Variants in PPFIA2 observed in about 807,000 individuals in gnomAD.
PPFIA2 encodes liprin-alpha-2.
A neutral mutation model predicts 175.5 loss-of-function variants in PPFIA2; 46 were observed. That is an observed-to-expected ratio of 0.26 (90% CI 0.21 to 0.34). The LOEUF (loss-of-function observed/expected upper bound fraction) is 0.34. PPFIA2 is among the 10% of genes least tolerant of loss of function. PPFIA2 has a pLI of 1.00. For synonymous variants in PPFIA2, 568 were observed against 511.4 expected (o/e 1.11, Z -1.49); for missense variants, 1,179 against 1,506.1 (o/e 0.78, Z 3.60).
chr12:81,695,057 A>C (rs1185078542), intron 3 of PPFIA2, among the ~76,000 whole-genome samples: 3 of 151,796 alleles, frequency 2.0e-5, no homozygotes, highest in Non-Finnish European at 4.4e-5. Flanking sequence ...GGAAATAACT[A>C]ATTTGTTTTT....
At chr12:81,372,991 T>A (rs1192075900) in intron 11 of PPFIA2, among the ~76,000 whole-genome samples, 1 of 151,704 alleles carries the variant, frequency 6.6e-6, no homozygotes, top group Non-Finnish European at 1.5e-5. Context: ...GGAAAAAATA[T>A]AAGGCACCTA....
At chr12:81,680,777 C>T (rs2073469792) in intron 3 of PPFIA2, among the ~76,000 whole-genome samples, 4 of 152,050 alleles carry the variant, frequency 2.6e-5, no homozygotes, top group African/African-American at 9.6e-5. Context: ...CTCTTGTTGC[C>T]TATCATTTGA....
intron 4 of PPFIA2, among the ~76,000 whole-genome samples, chr12:81,630,264 T>C (rs12422468): frequency 6.6e-6 from 1 of 152,216 alleles, no homozygotes. Context: ...TATAGTAATT[T>C]GTTGTAGGTG....
At chr12:81,371,533 C>T (rs1216689744) in intron 11 of PPFIA2, among the ~76,000 whole-genome samples, 2 of 151,426 alleles carry the variant, frequency 1.3e-5, no homozygotes, top group Non-Finnish European at 3.0e-5. Flanking sequence ...CTAGTTGTTT[C>T]TGTTTACTTA....
chr12:81,452,594 T>C (rs1311837042), intron 5 of PPFIA2, among the ~76,000 whole-genome samples: 1 of 152,236 alleles, frequency 6.6e-6, no homozygotes, highest in East Asian at 1.9e-4. Context: ...AATAACTATA[T>C]ACGCACATGC....
intron 4 of PPFIA2, chr12:81,675,418 T>A (rs2072315881): frequency 6.6e-6 from 1 of 152,016 alleles, no homozygotes; most frequent in Non-Finnish European, 1.5e-5. Context: ...GAAACATGCT[T>A]TCTTAGAGGG....
At chr12:81,404,206 T>TA (rs555442828) in intron 8 of PPFIA2, among the ~76,000 whole-genome samples, 34 of 152,190 alleles carry the variant, frequency 2.2e-4, no homozygotes, top group Admixed American at 5.2e-4. Flanking sequence ...TGTTAGGGGA[T>TA]AAAAAAAATC....
intron 21 of PPFIA2, among the ~76,000 whole-genome samples, chr12:81,331,717 G>C (rs2056161132): frequency 6.6e-6 from 1 of 152,130 alleles, no homozygotes; most frequent in South Asian, 2.1e-4. Context: ...CTTATTCATA[G>C]TTAACGTGCT....
chr12:81,509,425 G>A (rs1436732546), intron 4 of PPFIA2, among the ~76,000 whole-genome samples: 1 of 152,020 alleles, frequency 6.6e-6, no homozygotes, highest in Non-Finnish European at 1.5e-5. Flanking sequence ...GAAATACCAG[G>A]TATAGAGCCC....
chr12:81,717,634 A>C (rs1050559021), intron 3 of PPFIA2, among the ~76,000 whole-genome samples: 1 of 151,734 alleles, frequency 6.6e-6, no homozygotes, highest in Admixed American at 6.6e-5. Context: ...TAATATAGTC[A>C]TTCAAAATTA....
chr12:81,321,669 G>A (rs1439737369), intron 22 of PPFIA2, among the ~76,000 whole-genome samples: 1 of 152,040 alleles, frequency 6.6e-6, no homozygotes, highest in Non-Finnish European at 1.5e-5. Flanking sequence ...AGCTTTACTG[G>A]AAATATGGCT....
chr12:81,638,885 C>A (rs1273838531), intron 4 of PPFIA2, among the ~76,000 whole-genome samples: 1 of 151,024 alleles, frequency 6.6e-6, no homozygotes, highest in Non-Finnish European at 1.5e-5. Context: ...GACGGGGTTT[C>A]ACCGTTTTAG....
At chr12:81,599,692 A>G (rs2059601891) in intron 4 of PPFIA2, among the ~76,000 whole-genome samples, 4 of 151,974 alleles carry the variant, frequency 2.6e-5, no homozygotes, top group Admixed American at 2.6e-4. Flanking sequence ...ACTAGTATTG[A>G]CATTAATGTG....
At chr12:81,582,482 G>A (rs893699780) in intron 4 of PPFIA2, among the ~76,000 whole-genome samples, 1 of 151,498 alleles carries the variant, frequency 6.6e-6, no homozygotes, top group Admixed American at 6.6e-5. Context: ...AATTTTCTAG[G>A]CCTGTGAGTG....
intron 19 of PPFIA2, among the ~76,000 whole-genome samples, 158 bp downstream of exon 19, chr12:81,344,506 T>C (rs2058700773): frequency 6.6e-6 from 1 of 151,838 alleles, no homozygotes; most frequent in African/African-American, 2.4e-5. Context: ...CTTTGAAGTA[T>C]TTTCTATTAT....
chr12:81,533,735 C>CTATATA (rs1555461233), intron 4 of PPFIA2, among the ~76,000 whole-genome samples: 1 of 73,552 alleles, frequency 1.4e-5, no homozygotes, highest in Non-Finnish European at 2.7e-5. Context: ...ATCTATCTAT[C>CTATATA]TATATATCTA....
chr12:81,574,714 A>T (rs567545567), intron 4 of PPFIA2, among the ~76,000 whole-genome samples: 48 of 151,778 alleles, frequency 3.2e-4, no homozygotes, highest in African/African-American at 1.1e-3. Flanking sequence ...TATTGGGAAA[A>T]AAAAAACACC....
chr12:81,619,956 GA>G, intron 4 of PPFIA2, among the ~76,000 whole-genome samples: 1 of 151,962 alleles, frequency 6.6e-6, no homozygotes, highest in East Asian at 1.9e-4. Context: ...TCAGGAGGTC[GA>G]GACCATCCTG....
intron 4 of PPFIA2, among the ~76,000 whole-genome samples, chr12:81,487,159 G>C (rs2058919647): frequency 6.6e-6 from 1 of 151,804 alleles, no homozygotes; most frequent in Admixed American, 6.6e-5. Context: ...GACTGGCCTA[G>C]AATATCCACT....
Sources: allele counts gnomAD v4.1 joint callset (sites outside exome capture counted in the v4.1 genomes callset), GRCh38; gene constraint gnomAD v4.1.1; transcripts MANE v1.5; gene names NCBI Gene and HGNC (gene_info 2026-07-23, HGNC 2026-07-21).